The following RB1 variants were observed in gnomAD, a reference collection of about 807,000 sequenced individuals.
RB1 encodes the protein RB transcriptional corepressor 1, also known as retinoblastoma-associated protein.
RB1 carries 18 observed loss-of-function variants against 135.4 expected under a neutral mutation model. The ratio of observed to expected loss-of-function variants is 0.13; its 90% CI spans 0.09 to 0.20. The LOEUF (loss-of-function observed/expected upper bound fraction) is 0.20, where lower values mean the gene tolerates loss of function less well. Among genes scored for constraint, RB1 ranks in the 10% least tolerant of loss-of-function variants. The pLI is 1.00. For missense variants in RB1, 868 were observed against 1,110.0 expected (o/e 0.78, Z 3.10); for synonymous variants, 365 against 373.2 (o/e 0.98, Z 0.25).
rs144138505 is a variant in RB1, at chr13:48,307,936, A to G, written c.264+530A>G. ...AACTATTTTAAAGCAGGTCTTAGTTATATTTTATTCACTATGATACAAGGA... is the reference window on the plus strand; with the variant it reads ...AACTATTTTAAAGCAGGTCTTAGTTGTATTTTATTCACTATGATACAAGGA... On this transcript the variant is annotated intron_variant, in intron 2 of 26. Coordinates refer to ENST00000267163, the MANE Select transcript of RB1 (RefSeq NM_000321.3). 5.6e-3 allele frequency among the ~76,000 whole-genome samples: 852 copies of G among 151,708 alleles called. 25 individuals carry two copies. Among genetic ancestry groups the G allele is most frequent in the Middle Eastern group, 0.01 (3 of 294 alleles).
intron 2 of RB1, among the ~76,000 whole-genome samples, chr13:48,315,003 A>G (rs78262618): frequency 0.012 from 1,773 of 152,078 alleles, 90 homozygotes; most frequent in Admixed American, 0.08. Context: ...TGCCTTGACT[A>G]TTCGGGCTCT....
chr13:48,317,412 C>A, intron 2 of RB1: 2 of 371,884 alleles, frequency 5.4e-6, no homozygotes, highest in South Asian at 3.5e-5. Flanking sequence ...TGAAGTCGCT[C>A]GAGGGCAGGG....
chr13:48,348,923 C>A, intron 5 of RB1, 33 bp from the exon 6 acceptor site: 1 of 1,586,442 alleles, frequency 6.3e-7, no homozygotes, highest in Non-Finnish European at 8.6e-7. Context: ...TACATTTTTC[C>A]TGTTTTTTTT....
At chr13:48,308,611 C>T (rs987701089) in intron 2 of RB1, among the ~76,000 whole-genome samples, 2 of 151,840 alleles carry the variant, frequency 1.3e-5, no homozygotes, top group African/African-American at 4.8e-5. Context: ...CGTGATCATG[C>T]CACTGCACTC....
chr13:48,416,048 C>T (rs1948903054), intron 17 of RB1, among the ~76,000 whole-genome samples: 3 of 152,138 alleles, frequency 2.0e-5, no homozygotes, highest in African/African-American at 2.4e-5. Flanking sequence ...TGTGAGATCT[C>T]TACACTTCTG....
intron 2 of RB1, among the ~76,000 whole-genome samples, chr13:48,321,582 G>A (rs1414293471): frequency 2.0e-5 from 3 of 151,890 alleles, no homozygotes; most frequent in African/African-American, 4.8e-5. Context: ...TTGGCTGGGC[G>A]CGGTGGCTCA....
intron 2 of RB1, among the ~76,000 whole-genome samples, chr13:48,309,216 A>G (rs1177717901): frequency 1.3e-5 from 2 of 152,088 alleles, no homozygotes; most frequent in Non-Finnish European, 2.9e-5. Flanking sequence ...CATTTTTATG[A>G]CTCTTGATGA....
chr13:48,303,834 GGCGTGCCC>G lies in RB1; in HGVS notation c.-78_-71del. On this transcript the variant is annotated 5_prime_UTR_variant, in exon 1 of 27. Transcript: ENST00000267163. ...TGTAACGGGAGTCGGGAGAGGACGG[GGCGTGCCC>G]CGACGTGCGCGCGCGTCGTCCTCCC... is the stretch of plus-strand genomic sequence containing the variant. 8.7e-6 allele frequency: 13 copies of G among 1,490,768 alleles called. No individual in the cohort carries two copies. The highest frequency in any genetic ancestry group is 1.2e-5 in the Non-Finnish European group (13 of 1,127,036). The allele number at this position is 1,490,768 out of a possible 1,614,324, so 92.3% of individuals were successfully genotyped here.
intron 2 of RB1, among the ~76,000 whole-genome samples, chr13:48,321,577 T>C (rs754266753): frequency 3.9e-5 from 6 of 152,020 alleles, no homozygotes; most frequent in Non-Finnish European, 8.8e-5. Flanking sequence ...TCCGTTTGGC[T>C]GGGCGCGGTG....
intron 11 of RB1, among the ~76,000 whole-genome samples, chr13:48,373,001 C>A (rs1952777636): frequency 6.6e-6 from 1 of 152,138 alleles, no homozygotes; most frequent in South Asian, 2.1e-4. Flanking sequence ...AAAGAAAAAT[C>A]ATCTGATTCT....
Position 48,333,023 on chromosome 13 carries a change from C to T in RB1, c.265-9576C>T, listed in dbSNP as rs559042894. 62 of 398,284 alleles carry T rather than the reference C, an allele frequency of 1.6e-4. No homozygotes were observed. In the South Asian group the frequency reaches 4.2e-3, roughly 27 times the overall value. The allele number at this position is 398,284 out of a possible 1,614,324, so 24.7% of individuals were successfully genotyped here. A position where few individuals can be genotyped will look rare whatever the true frequency, so the allele number is the denominator to read the frequency against. ...TCTGTTTCTCTCAAAATAGGTACTC[C>T]GCTCACCTGTTTTCAAACCATGGTT... On this transcript the variant is annotated intron_variant, in intron 2 of 26. Transcript: ENST00000267163.
chr13:48,332,722 T>C (rs113746629), intron 2 of RB1, among the ~76,000 whole-genome samples: 21 of 152,198 alleles, frequency 1.4e-4, no homozygotes, highest in Non-Finnish European at 2.6e-4. Flanking sequence ...ACAGACAAAA[T>C]GGTGACTATG....
intron 17 of RB1, among the ~76,000 whole-genome samples, chr13:48,435,748 T>C (rs1246114315): frequency 3.3e-5 from 5 of 152,174 alleles, no homozygotes; most frequent in Non-Finnish European, 5.9e-5. Context: ...GTTGAGGTTT[T>C]TTTAGGGGGT....
chr13:48,356,581 C>T (rs564786335), intron 6 of RB1, among the ~76,000 whole-genome samples: 13 of 152,012 alleles, frequency 8.6e-5, no homozygotes, highest in Admixed American at 7.2e-4. Flanking sequence ...CCTGGTGCCT[C>T]CCCCTCTCCA....
At chr13:48,334,573 T>C (rs1161038682) in intron 2 of RB1, among the ~76,000 whole-genome samples, 16 of 152,208 alleles carry the variant, frequency 1.1e-4, no homozygotes. Context: ...ATGTTTCTTA[T>C]GACTTATTTT....
intron 17 of RB1, among the ~76,000 whole-genome samples, chr13:48,437,811 A>G (rs1949199557): frequency 1.3e-5 from 2 of 152,192 alleles, no homozygotes; most frequent in Admixed American, 1.3e-4. Flanking sequence ...TCATTGGCCC[A>G]CAGACTAACC....
intron 6 of RB1, among the ~76,000 whole-genome samples, chr13:48,357,998 A>C (rs530454439): frequency 4.2e-4 from 64 of 152,256 alleles, no homozygotes; most frequent in Admixed American, 7.9e-4. Flanking sequence ...GCGATAAGGA[A>C]TGTAAAGGGA....
chr13:48,406,599 G>C (rs138980055), intron 17 of RB1: 1 of 152,044 alleles, frequency 6.6e-6, no homozygotes, highest in Non-Finnish European at 1.5e-5. Context: ...AGCACTTAAC[G>C]TGGTCTTAAC....
intron 2 of RB1, among the ~76,000 whole-genome samples, chr13:48,309,441 G>C (rs940586095): frequency 6.6e-6 from 1 of 152,154 alleles, no homozygotes; most frequent in Non-Finnish European, 1.5e-5. Context: ...ATTGAACATA[G>C]TCTCACATTT....
Sources: allele counts gnomAD v4.1 joint callset (sites outside exome capture counted in the v4.1 genomes callset), GRCh38; gene constraint gnomAD v4.1.1; transcripts MANE v1.5; gene names NCBI Gene and HGNC (gene_info 2026-07-23, HGNC 2026-07-21).